Variants in BLK observed in about 807,000 individuals in gnomAD.
The protein encoded by BLK is tyrosine-protein kinase Blk.
BLK carries 64 observed loss-of-function variants against 61.8 expected under a neutral mutation model. The observed-to-expected ratio is 1.03, with a 90% CI of 0.85 to 1.27. The LOEUF (loss-of-function observed/expected upper bound fraction) is 1.27. BLK is among the 50% of genes most tolerant of loss of function. The probability of loss-of-function intolerance (pLI) is 0.00; values close to 1 mark genes in which losing one functional copy is unlikely to be tolerated. For synonymous variants in BLK, 351 were observed against 272.0 expected, an observed-to-expected ratio of 1.29 and a Z score of -2.86; for missense variants, 853 against 660.5, an observed-to-expected ratio of 1.29 and a Z score of -3.19.
chr8:11,550,752 G>C lies in BLK; in HGVS notation c.472+490G>C, dbSNP rs533704869. On this transcript the variant is annotated intron_variant, in intron 6 of 12. Coordinates refer to ENST00000259089, the MANE Select transcript of BLK (RefSeq NM_001715.3). ...CCCATGCCAGTCTAGACACTCATGA[G>C]TTCAAATCCACTGACTGAGCAAAAC... is the stretch of plus-strand genomic sequence containing the variant. 1.2e-4 allele frequency among the ~76,000 whole-genome samples: 19 copies of C among 152,372 alleles called. No homozygotes were observed. The East Asian group carries it at 3.5e-3, about 28-fold the overall frequency.
intron 1 of BLK, among the ~76,000 whole-genome samples, chr8:11,512,487 A>C (rs546870128): frequency 2.0e-5 from 3 of 152,332 alleles, no homozygotes; most frequent in Admixed American, 6.5e-5. Context: ...ATTGGGTCTC[A>C]ACAGAGATTT....
At chr8:11,561,247 C>A (rs756818797) in intron 10 of BLK, 55 bp from the exon 11 acceptor site, 1 of 1,585,952 alleles carries the variant, frequency 6.3e-7, no homozygotes. Flanking sequence ...AGTGTGGGCT[C>A]GGTCTTGGCG....
chr8:11,504,367 G>GGAAGGAAGAAAGA (rs1554540059), intron 1 of BLK, among the ~76,000 whole-genome samples: 9 of 39,374 alleles, frequency 2.3e-4, no homozygotes, highest in East Asian at 4.7e-4. Flanking sequence ...AAGGAAGGAA[G>GGAAGGAAGAAAGA]AAAGAAAAGA....
intron 2 of BLK, among the ~76,000 whole-genome samples, chr8:11,543,690 A>T (rs149026390): frequency 6.6e-6 from 1 of 152,182 alleles, no homozygotes; most frequent in Non-Finnish European, 1.5e-5. Context: ...CTTGTCCCCT[A>T]TGTGGCATTG....
At chr8:11,553,348 C>T in intron 6 of BLK, 1 of 438,478 alleles carries the variant, frequency 2.3e-6, no homozygotes, top group Non-Finnish European at 4.6e-6. Flanking sequence ...GCCCTGCCTG[C>T]CCAGGGCAGT....
intron 1 of BLK, among the ~76,000 whole-genome samples, chr8:11,499,477 G>A (rs528628199): frequency 2.0e-5 from 3 of 152,362 alleles, no homozygotes; most frequent in Non-Finnish European, 4.4e-5. Flanking sequence ...GATCCTGAGA[G>A]AATCTCATTT....
intron 5 of BLK, chr8:11,549,928 C>T (rs765848114): frequency 4.0e-4 from 227 of 565,490 alleles, no homozygotes; most frequent in Non-Finnish European, 4.4e-4. Flanking sequence ...GTTCTTGTTT[C>T]GTTCTAGGAA....
intron 1 of BLK, among the ~76,000 whole-genome samples, chr8:11,507,855 C>G (rs985666860): frequency 6.6e-6 from 1 of 152,186 alleles, no homozygotes; most frequent in African/African-American, 2.4e-5. Context: ...GCCAGCATTT[C>G]TACACGTGAG....
intron 4 of BLK, 95 bp from the exon 5 acceptor site, chr8:11,548,929 T>A (rs1563114044): frequency 4.4e-6 from 5 of 1,135,040 alleles, no homozygotes; most frequent in Non-Finnish European, 6.5e-6. Flanking sequence ...TTCTCTGCCC[T>A]CCAGGGAGAG....
chr8:11,543,399 C>T (rs908592775), intron 2 of BLK, 52 bp downstream of exon 2: 9 of 1,605,826 alleles, frequency 5.6e-6, no homozygotes, highest in Non-Finnish European at 7.6e-6. Context: ...TCTCCTATGC[C>T]TTAATGTCCA....
At chr8:11,497,060 C>T (rs1447952302) in intron 1 of BLK, among the ~76,000 whole-genome samples, 1 of 152,002 alleles carries the variant, frequency 6.6e-6, no homozygotes. Context: ...CCCAGCAGAG[C>T]GGGTGAGCCC....
chr8:11,553,518 G>A, intron 6 of BLK: 1 of 304,118 alleles, frequency 3.3e-6, no homozygotes, highest in East Asian at 9.6e-5. Context: ...AGCTTGGGAA[G>A]CGTCACTGCG....
Position 11,564,099 on chromosome 8 carries a change from G to A in BLK, c.1509G>A (p.Leu503=). Residue 503 remains leucine, a synonymous_variant, in exon 13 of 13, where the codon CTG becomes CTA. Coordinates refer to ENST00000259089, the MANE Select transcript of BLK (RefSeq NM_001715.3). ...FYTATERQYE[L]QP is the part of the protein sequence containing the mutation. The stretch of plus-strand genomic sequence containing the variant: ...CGGCCACCGAGCGGCAGTACGAGCT[G>A]CAGCCCTAGCCGGCCGCGCCCGCCT... 6.4e-7 allele frequency: 1 copy of A among 1,570,706 alleles called. No individual in the cohort carries two copies. Among genetic ancestry groups the A allele is most frequent in the Non-Finnish European group, 8.6e-7 (1 of 1,163,822 alleles).
intron 8 of BLK, 37 bp from the exon 9 acceptor site, chr8:11,556,621 T>C: frequency 6.2e-7 from 1 of 1,613,822 alleles, no homozygotes; most frequent in Non-Finnish European, 8.5e-7. Flanking sequence ...GCAAGCTCTC[T>C]GTCTTCTGAT....
rs539686763 is a variant in BLK, at chr8:11,544,063, A to T, written c.123+716A>T. Among the ~76,000 whole-genome samples the T allele has an allele frequency of 2.6e-5, 4 of 152,000 alleles. No homozygotes were observed. The South Asian group carries it at 8.3e-4, about 32-fold the overall frequency. ...CTGCAACCTCTGCCTCCTGGATTCAAGTGATTCTCGTACCTCAGCCTTCTG... is the reference window on the plus strand; with the variant it reads ...CTGCAACCTCTGCCTCCTGGATTCATGTGATTCTCGTACCTCAGCCTTCTG... On this transcript the variant is annotated intron_variant, in intron 2 of 12. Transcript: ENST00000259089.
intron 1 of BLK, among the ~76,000 whole-genome samples, chr8:11,497,753 T>G (rs1308125885): frequency 2.0e-5 from 3 of 152,232 alleles, no homozygotes; most frequent in Non-Finnish European, 2.9e-5. Context: ...CCCAGTGCCA[T>G]CAGCATGCTG....
intron 1 of BLK, among the ~76,000 whole-genome samples, chr8:11,517,811 C>T (rs1799285884): frequency 6.6e-6 from 1 of 152,212 alleles, no homozygotes; most frequent in African/African-American, 2.4e-5. Context: ...TTGGTCCTGT[C>T]ACAGGGAGAA....
intron 1 of BLK, among the ~76,000 whole-genome samples, chr8:11,515,482 G>A (rs1007203349): frequency 1.3e-5 from 2 of 152,092 alleles, no homozygotes; most frequent in Non-Finnish European, 2.9e-5. Context: ...GCGCACAGGG[G>A]TCCTCCCTGC....
rs1181201250 is a variant in BLK, at chr8:11,563,948, G to A, written c.1358G>A (p.Arg453His). 1.4e-5 allele frequency: 22 copies of A among 1,607,126 alleles called. No individual in the cohort carries two copies. The highest frequency in any genetic ancestry group is 4.5e-5 in the East Asian group (2 of 44,844). The part of the protein sequence containing the change: ...EVIRNLERGY[R>H]MPRPDTCPPE... ...ATCCGCAACCTGGAGCGCGGCTACCGCATGCCGCGCCCCGACACCTGCCCG... is the reference window on the plus strand; with the variant it reads ...ATCCGCAACCTGGAGCGCGGCTACCACATGCCGCGCCCCGACACCTGCCCG... The change falls in exon 13 of 13, where the codon CGC (arginine) becomes CAC (histidine). Residue 453 changes from arginine (R) to histidine (H), a missense_variant. By Grantham distance (29) the Arg-to-His change is conservative. Transcript: ENST00000259089.
Sources: allele counts gnomAD v4.1 joint callset (sites outside exome capture counted in the v4.1 genomes callset), GRCh38; gene constraint gnomAD v4.1.1; transcripts MANE v1.5; gene names NCBI Gene and HGNC (gene_info 2026-07-23, HGNC 2026-07-21).